The following CDK5RAP2 variants were observed in gnomAD, a reference collection of about 807,000 sequenced individuals.
CDK5RAP2 encodes CDK5 regulatory subunit-associated protein 2.
CDK5RAP2 carries 147 observed loss-of-function variants against 232.9 expected under a neutral mutation model. The observed-to-expected ratio is 0.63, with a 90% confidence interval of 0.55 to 0.72. The LOEUF is 0.72. CDK5RAP2 is among the 30% of genes least tolerant of loss of function. The pLI is 0.00. For missense variants in CDK5RAP2, 2,195 were observed against 2,231.5 expected (o/e 0.98, Z 0.33); for synonymous variants, 833 against 833.7 (o/e 1.00, Z 0.01).
At chr9:120,539,228 C>G in intron 5 of CDK5RAP2, 64 bp from the exon 6 acceptor site, 1 of 1,602,258 alleles carries the variant, frequency 6.2e-7, no homozygotes, top group South Asian at 1.1e-5. Flanking sequence ...TTTCACAGCC[C>G]CAAAGAGACA....
chr9:120,482,924 G>A (rs777590133), intron 14 of CDK5RAP2, among the ~76,000 whole-genome samples: 1 of 152,244 alleles, frequency 6.6e-6, no homozygotes, highest in Admixed American at 6.5e-5. Context: ...ATTCCCCTGC[G>A]TTGAATCATG....
At chr9:120,444,924 T>G (rs1401991434) in intron 22 of CDK5RAP2, among the ~76,000 whole-genome samples, 1 of 152,062 alleles carries the variant, frequency 6.6e-6, no homozygotes. Flanking sequence ...GTACTTAGAG[T>G]GTATAGCAAG....
chr9:120,444,195 C>T (rs1588351385), intron 22 of CDK5RAP2, among the ~76,000 whole-genome samples: 1 of 152,220 alleles, frequency 6.6e-6, no homozygotes, highest in South Asian at 2.1e-4. Flanking sequence ...AGGGGGGCCA[C>T]TTGAGGCCAG....
In CDK5RAP2 at chr9:120,463,865, G is replaced by A. The variant is rs111857733; in HGVS notation, c.2107-3198C>T. On this transcript the variant is annotated intron_variant, in intron 18 of 37. Transcript: ENST00000349780. ...GACATAGAGAAACATACTTCATGCT[G>A]CATGCTATTTACTCATTTTCAAAGA... is the stretch of plus-strand genomic sequence containing the variant. 1.9e-3 allele frequency among the ~76,000 whole-genome samples: 296 copies of A among 152,300 alleles called. 2 individuals are homozygous for A. Among genetic ancestry groups the A allele is most frequent in the African/African-American group, 6.3e-3 (260 of 41,564 alleles).
intron 1 of CDK5RAP2, among the ~76,000 whole-genome samples, chr9:120,575,308 C>T (rs1298219601): frequency 1.3e-5 from 2 of 152,152 alleles, no homozygotes; most frequent in East Asian, 1.9e-4. Context: ...CCGCCTCAGC[C>T]TCCCAAAGTG....
rs76936967 is a variant in CDK5RAP2, at chr9:120,405,726, A to T, written c.4963+1286T>A. 5.3e-3 allele frequency among the ~76,000 whole-genome samples: 804 copies of T among 152,364 alleles called. 6 individuals carry two copies. Among genetic ancestry groups the T allele is most frequent in the Non-Finnish European group, 9.3e-3 (636 of 68,032 alleles). ...TTTTCTCCTAAGAATATTATTTAACAGCAAAAAGCATATTAACATTGATGT... is the reference window on the plus strand; with the variant it reads ...TTTTCTCCTAAGAATATTATTTAACTGCAAAAAGCATATTAACATTGATGT... On this transcript the variant is annotated intron_variant, in intron 32 of 37. Transcript: ENST00000349780.
At chr9:120,544,630 C>T (rs1020095343) in intron 5 of CDK5RAP2, among the ~76,000 whole-genome samples, 2 of 152,238 alleles carry the variant, frequency 1.3e-5, no homozygotes, top group Admixed American at 1.3e-4. Flanking sequence ...ATGGTCCTGG[C>T]CTACCACACC....
At chr9:120,546,275 C>T (rs527607917) in intron 4 of CDK5RAP2, among the ~76,000 whole-genome samples, 120 of 152,240 alleles carry the variant, frequency 7.9e-4, no homozygotes, top group Non-Finnish European at 1.5e-3. Flanking sequence ...CACATCATGG[C>T]ATGTGTCATT....
At chr9:120,430,594 T>G (rs2035222190) in intron 25 of CDK5RAP2, among the ~76,000 whole-genome samples, 1 of 152,206 alleles carries the variant, frequency 6.6e-6, no homozygotes, top group African/African-American at 2.4e-5. Flanking sequence ...ATGGCAATCA[T>G]TAAAAAGTCA....
chr9:120,463,203 C>G (rs1188083679), intron 18 of CDK5RAP2, among the ~76,000 whole-genome samples: 1 of 152,070 alleles, frequency 6.6e-6, no homozygotes, highest in African/African-American at 2.4e-5. Flanking sequence ...AATCTTGTCT[C>G]TACTAAAAAT....
intron 11 of CDK5RAP2, among the ~76,000 whole-genome samples, chr9:120,521,135 T>A (rs1174037297): frequency 6.6e-6 from 1 of 152,182 alleles, no homozygotes; most frequent in African/African-American, 2.4e-5. Flanking sequence ...CCAAAAGCTA[T>A]ATACAATAAC....
At chr9:120,491,670 AAAGATT>A (rs1362444055) in intron 12 of CDK5RAP2, among the ~76,000 whole-genome samples, 193 bp from the exon 13 acceptor site, 1 of 152,230 alleles carries the variant, frequency 6.6e-6, no homozygotes, top group Non-Finnish European at 1.5e-5. Context: ...AAATTTGGCA[AAAGATT>A]TATGAACAGA....
chr9:120,538,961 T>TA lies in CDK5RAP2; in HGVS notation c.507+79dup, dbSNP rs57285402. 7.1e-5 allele frequency: 105 copies of TA among 1,488,488 alleles called. No individual in the cohort carries two copies. The South Asian group carries it at 1.1e-3, about 16-fold the overall frequency. The allele number at this position is 1,488,488 out of a possible 1,614,324, so 92.2% of individuals were successfully genotyped here. On this transcript the variant is annotated intron_variant, in intron 6 of 37. Transcript: ENST00000349780. Reference sequence around the variant, plus strand: ...TGTTTCTGCTGAAACTGACGGTTTATAAAAAAAGAAACAAAACTGTGCCAG... The same window carrying TA: ...TGTTTCTGCTGAAACTGACGGTTTATAAAAAAAAGAAACAAAACTGTGCCAG...
chr9:120,516,108 A>G (rs950888783), intron 12 of CDK5RAP2, among the ~76,000 whole-genome samples: 1 of 152,148 alleles, frequency 6.6e-6, no homozygotes, highest in Non-Finnish European at 1.5e-5. Flanking sequence ...AAAGACTTGG[A>G]ACCAACCCAA....
intron 18 of CDK5RAP2, among the ~76,000 whole-genome samples, chr9:120,463,096 G>A (rs1161827569): frequency 6.6e-6 from 1 of 152,064 alleles, no homozygotes; most frequent in Non-Finnish European, 1.5e-5. Flanking sequence ...ACAGGGCCAG[G>A]CACGGTGGCT....
chr9:120,393,893 G>A (rs2032223364), intron 36 of CDK5RAP2, among the ~76,000 whole-genome samples: 1 of 152,118 alleles, frequency 6.6e-6, no homozygotes, highest in African/African-American at 2.4e-5. Context: ...CCCCCTCACT[G>A]GTGGAGCAGC....
At chr9:120,537,677 T>C (rs933428454) in intron 6 of CDK5RAP2, among the ~76,000 whole-genome samples, 3 of 151,508 alleles carry the variant, frequency 2.0e-5, no homozygotes, top group Non-Finnish European at 4.4e-5. Flanking sequence ...ACTGTGCCTG[T>C]TTCATCATCT....
chr9:120,505,073 C>G (rs1226497618), intron 12 of CDK5RAP2, among the ~76,000 whole-genome samples: 3 of 152,216 alleles, frequency 2.0e-5, no homozygotes, highest in Non-Finnish European at 2.9e-5. Context: ...TAGCTCATTT[C>G]ATTGTGCTCT....
intron 19 of CDK5RAP2, among the ~76,000 whole-genome samples, chr9:120,460,366 G>A (rs925535827): frequency 9.9e-5 from 15 of 152,058 alleles, no homozygotes; most frequent in Non-Finnish European, 1.8e-4. Context: ...GTTTATGCTC[G>A]TTTTCATGTT....
Sources: gnomAD v4.1 joint callset for allele counts (sites outside exome capture counted in the v4.1 genomes callset) on GRCh38, gnomAD v4.1.1 for gene constraint, MANE v1.5 for transcripts, NCBI Gene and HGNC (gene_info 2026-07-23, HGNC 2026-07-21) for gene names.